The following BRSK1 variants were observed in gnomAD, a reference collection of about 807,000 sequenced individuals.
BRSK1 encodes the protein BR serine/threonine kinase 1.
In BRSK1, 17 loss-of-function variants were observed where a neutral mutation model predicts 86.2. The ratio of observed to expected loss-of-function variants is 0.20; its 90% CI spans 0.14 to 0.30. The LOEUF (loss-of-function observed/expected upper bound fraction) is 0.30. Among genes scored for constraint, BRSK1 ranks in the 10% least tolerant of loss-of-function variants. The pLI, the probability that BRSK1 is intolerant of heterozygous loss-of-function variation, is 1.00. For missense variants in BRSK1, 719 were observed against 1,071.9 expected (o/e 0.67, Z 4.60); for synonymous variants, 464 against 440.1 (o/e 1.05, Z -0.68).
chr19:55,311,805 G>C (rs970028693), intron 18 of BRSK1, 106 bp from the exon 19 acceptor site: 2 of 1,208,366 alleles, frequency 1.7e-6, no homozygotes, highest in Non-Finnish European at 2.3e-6. Flanking sequence ...TAGAGCCTCG[G>C]GGTTACTGAG....
At position 55,287,083 on chromosome 19, in the gene BRSK1, G is replaced by A. The variant is rs769125824; in HGVS notation, c.213G>A (p.Ser71=). 59 of 1,613,434 alleles carry A rather than the reference G, an allele frequency of 3.7e-5. No homozygotes were observed. The highest frequency in any genetic ancestry group is 3.1e-4 in the African/African-American group (23 of 74,712). Residue 71 remains serine (S), a synonymous_variant, in exon 2 of 19, where the codon TCG becomes TCA. Coordinates refer to ENST00000309383, the MANE Select transcript of BRSK1 (RefSeq NM_032430.2). The surrounding 1 kb of genome is among the most constrained non-coding windows in gnomAD (Gnocchi z 5.3). The part of the protein sequence containing the change: ...AIKIVNREKL[S]ESVLMKVERE... Reference sequence around the variant, plus strand: ...AGATCGTGAACCGGGAGAAGCTGTCGGAGTCGGTGCTGATGAAGGTGTGTG... The same window carrying A: ...AGATCGTGAACCGGGAGAAGCTGTCAGAGTCGGTGCTGATGAAGGTGTGTG...
Position 55,286,232 on chromosome 19 carries a change from C to T in BRSK1, c.137-775C>T, listed in dbSNP as rs28542661. ...GGTCTGAGGGAGGATGGAATGGGGG[C>T]CTGGACTCCTGGGTCTGAGGGAGGA... On this transcript the variant is annotated intron_variant, in intron 1 of 18. Transcript: ENST00000309383. Among the ~76,000 whole-genome samples the T allele has an allele frequency of 6.9e-5, 9 of 130,066 alleles. No homozygotes were observed. The East Asian group carries it at 1.2e-3, about 17-fold the overall frequency. 85.3% of individuals were successfully genotyped at this position (130,066 alleles called of 152,430 possible).
Position 55,312,022 on chromosome 19 carries a change from CCAAGGA to C in BRSK1, c.2296_2301del (p.Asp766_Lys767del). On this transcript the variant is annotated inframe_deletion, in exon 19 of 19. Coordinates refer to ENST00000309383, the MANE Select transcript of BRSK1 (RefSeq NM_032430.2). The stretch of plus-strand genomic sequence containing the variant: ...AGCAGCTCTCCCCGCCGAGGCCCCC[CCAAGGA>C]CAAGAAGCTCCTGGCCACCAACGGG... 6.6e-7 allele frequency: 1 copy of C among 1,509,974 alleles called. No homozygotes were observed. Among genetic ancestry groups the C allele is most frequent in the Non-Finnish European group, 8.9e-7 (1 of 1,128,552 alleles). 93.5% of individuals were successfully genotyped at this position (1,509,974 alleles called of 1,614,324 possible).
chr19:55,290,467 A>G (rs1310095192), intron 4 of BRSK1, among the ~76,000 whole-genome samples: 1 of 152,184 alleles, frequency 6.6e-6, no homozygotes, highest in Non-Finnish European at 1.5e-5. Context: ...TTAACAAAGA[A>G]AAAAAGAATT....
chr19:55,295,183 C>T (rs1262819416), intron 7 of BRSK1, among the ~76,000 whole-genome samples: 3 of 151,746 alleles, frequency 2.0e-5, no homozygotes, highest in Non-Finnish European at 4.4e-5. Flanking sequence ...AGTGCAGTGG[C>T]GCCATCACGG....
chr19:55,311,800 C>A, intron 18 of BRSK1, 111 bp from the exon 19 acceptor site: 1 of 1,149,068 alleles, frequency 8.7e-7, no homozygotes, highest in Non-Finnish European at 1.2e-6. Flanking sequence ...GGAGCTAGAG[C>A]CTCGGGGTTA....
chr19:55,289,186 T>C (rs1207405312), intron 3 of BRSK1, among the ~76,000 whole-genome samples: 1 of 152,134 alleles, frequency 6.6e-6, no homozygotes, highest in Non-Finnish European at 1.5e-5. Flanking sequence ...GAAGCTGACA[T>C]GGGAGGCTCT....
intron 4 of BRSK1, among the ~76,000 whole-genome samples, chr19:55,290,166 G>T (rs1017762897): frequency 5.3e-5 from 8 of 151,960 alleles, no homozygotes; most frequent in Non-Finnish European, 1.2e-4. Flanking sequence ...GGCTAATTTT[G>T]TATTTTTTTA....
At position 55,310,191 on chromosome 19, in the gene BRSK1, C is replaced by G. The variant is rs2088752210; in HGVS notation, c.2179+1463C>G. On this transcript the variant is annotated intron_variant, in intron 18 of 18. Coordinates refer to ENST00000309383, the MANE Select transcript of BRSK1 (RefSeq NM_032430.2). The surrounding 1 kb of genome is among the most constrained non-coding windows in gnomAD (Gnocchi z 5.0). The stretch of plus-strand genomic sequence containing the variant: ...CAACACAAGTGATTTTCGTACAGTC[C>G]TGGAGGTCAGAAGTCCCACATGGTC... 6.6e-6 allele frequency among the ~76,000 whole-genome samples: 1 copy of G among 152,188 alleles called. No homozygotes were observed.
At chr19:55,298,198 T>G (rs1328559553) in intron 7 of BRSK1, among the ~76,000 whole-genome samples, 1 of 149,692 alleles carries the variant, frequency 6.7e-6, no homozygotes, top group African/African-American at 2.5e-5. Context: ...ATTCTTTTTT[T>G]TTTGTTTCTT....
In BRSK1 at chr19:55,304,243, C is replaced by G. The variant is rs2088613670; in HGVS notation, c.1347+133C>G. The G allele has an allele frequency of 1.1e-6, 1 of 949,806 alleles. No homozygotes were observed. Among genetic ancestry groups the G allele is most frequent in the Non-Finnish European group, 1.5e-6 (1 of 648,568 alleles). 58.8% of individuals were successfully genotyped at this position (949,806 alleles called of 1,614,324 possible). On this transcript the variant is annotated intron_variant, in intron 13 of 18. Coordinates refer to ENST00000309383, the MANE Select transcript of BRSK1 (RefSeq NM_032430.2). The surrounding 1 kb of genome is among the most constrained non-coding windows in gnomAD (Gnocchi z 5.2). The stretch of plus-strand genomic sequence containing the variant: ...CTTTGTCCCTGGAGGGCCAAAGACC[C>G]AAGGCCTCCAAAGTATTTTGGTCCA...
Position 55,284,486 on chromosome 19 carries a change from A to ACCC in BRSK1, c.46_47insCCC (p.Tyr15_His16insPro). 6 of 1,204,368 alleles carry ACCC rather than the reference A, an allele frequency of 5.0e-6. No homozygotes were observed. The highest frequency in any genetic ancestry group is 1.6e-5 in the African/African-American group (1 of 62,918). The allele number at this position is 1,204,368 out of a possible 1,614,324, so 74.6% of individuals were successfully genotyped here. On this transcript the variant is annotated inframe_insertion, in exon 1 of 19. Transcript: ENST00000309383. The stretch of plus-strand genomic sequence containing the variant: ...GAGGGAGGTGGGGGCTCTCCCGCCT[A>ACCC]CCACCTCCCCCACCCCCACCCCCAC...
Position 55,294,359 on chromosome 19 carries a change from A to G in BRSK1, c.640A>G (p.Met214Val), listed in dbSNP as rs369642683. 1 of 1,614,158 alleles carries G rather than the reference A, an allele frequency of 6.2e-7. No homozygotes were observed. The highest frequency in any genetic ancestry group is 2.2e-5 in the East Asian group (1 of 44,884). ...GEKYDGRRAD[M>V]WSCGVILFAL... ...AAAATATGATGGCCGCCGGGCAGAC[A>G]TGTGGAGCTGTGGAGTCATCCTCTT... Residue 214 changes from methionine (M) to valine (V), a missense_variant, in exon 7 of 19, where the codon ATG (methionine) becomes GTG (valine). Around this residue, in one of 6 missense-constraint regions of BRSK1, gnomAD observed 75 missense variants for 281.0 expected, o/e 0.27. Coordinates refer to ENST00000309383, the MANE Select transcript of BRSK1 (RefSeq NM_032430.2). This position sits in a 1 kb window ranked among gnomAD's most constrained non-coding sequence, Gnocchi z 4.9.
chr19:55,305,243 G>C lies in BRSK1; in HGVS notation c.1718-78G>C, dbSNP rs1036816700. ...CCCAAGGCTCTGGAACCCTGGGAGG[G>C]GGCGAGTGCAGGCCTGTGTGCTGGC... is the stretch of plus-strand genomic sequence containing the variant. On this transcript the variant is annotated intron_variant, in intron 14 of 18. Coordinates refer to ENST00000309383, the MANE Select transcript of BRSK1 (RefSeq NM_032430.2). 2.6e-6 allele frequency: 4 copies of C among 1,560,574 alleles called. No homozygotes were observed. The African/African-American group carries it at 4.1e-5, about 16-fold the overall frequency.
At position 55,289,638 on chromosome 19, in the gene BRSK1, G is replaced by T. The variant is rs370363848; in HGVS notation, c.458+18G>T. ...TCCATCTGGTGAGTGGGCAGCTTGA[G>T]GGGGAGGAGGGGCTGAGGGCTGCCC... On this transcript the variant is annotated intron_variant, in intron 4 of 18. Coordinates refer to ENST00000309383, the MANE Select transcript of BRSK1 (RefSeq NM_032430.2). The T allele has an allele frequency of 1.4e-5, 22 of 1,612,074 alleles. 1 individual carries two copies. Among genetic ancestry groups the T allele is most frequent in the East Asian group, 2.2e-5 (1 of 44,882 alleles).
At chr19:55,305,614 T>C (rs756994941) in intron 16 of BRSK1, 28 bp downstream of exon 16, 6 of 1,613,262 alleles carry the variant, frequency 3.7e-6, no homozygotes, top group Non-Finnish European at 1.7e-6. Context: ...CCATCGAGCC[T>C]GGCCCCCGCA....
chr19:55,293,441 G>A (rs560721207), intron 4 of BRSK1, among the ~76,000 whole-genome samples: 2 of 152,236 alleles, frequency 1.3e-5, no homozygotes, highest in South Asian at 4.1e-4. Context: ...TGCGGAGGTT[G>A]CAGTGAGCCG....
At position 55,303,658 on chromosome 19, in the gene BRSK1, G is replaced by A; in HGVS notation, c.1127-9G>A. On this transcript the variant is annotated splice_polypyrimidine_tract_variant and intron_variant, in intron 11 of 18. Coordinates refer to ENST00000309383, the MANE Select transcript of BRSK1 (RefSeq NM_032430.2). The surrounding 1 kb of genome is among the most constrained non-coding windows in gnomAD (Gnocchi z 5.1). ...ATCTCTTGATTGGGTTGAAACTGTT[G>A]TCCCTCAGACCCCCCCCGGAAGCGT... The A allele has an allele frequency of 6.3e-7, 1 of 1,589,818 alleles. No homozygotes were observed. Among genetic ancestry groups the A allele is most frequent in the Non-Finnish European group, 8.6e-7 (1 of 1,167,880 alleles).
At chr19:55,286,479 T>G (rs1600168536) in intron 1 of BRSK1, among the ~76,000 whole-genome samples, 1 of 137,224 alleles carries the variant, frequency 7.3e-6, no homozygotes, top group Non-Finnish European at 1.6e-5. Flanking sequence ...AGGTGGAGGG[T>G]GATCTGGGGA....
Sources: allele counts gnomAD v4.1 joint callset (sites outside exome capture counted in the v4.1 genomes callset), GRCh38; gene constraint gnomAD v4.1.1; regional missense constraint gnomAD v4.1.1; non-coding constraint Gnocchi (gnomAD v3.1); transcripts MANE v1.5; gene names NCBI Gene and HGNC (gene_info 2026-07-23, HGNC 2026-07-21).